Variants in RPTOR observed in about 807,000 individuals in gnomAD.
RPTOR encodes the protein regulatory associated protein of MTOR complex 1.
Under a neutral mutation model 169.9 loss-of-function variants are expected in RPTOR, and 21 were observed. The observed-to-expected ratio is 0.12, with a 90% CI of 0.09 to 0.18. The LOEUF (loss-of-function observed/expected upper bound fraction) is 0.18, where lower values mean the gene tolerates loss of function less well. RPTOR is among the 10% of genes least tolerant of loss of function. The pLI, the probability that RPTOR is intolerant of heterozygous loss-of-function variation, is 1.00. For missense variants in RPTOR, 1,133 were observed against 1,855.9 expected (o/e 0.61, Z 7.16); for synonymous variants, 732 against 753.2 (o/e 0.97, Z 0.46).
At chr17:80,790,221 G>A (rs1465835434) in intron 6 of RPTOR, among the ~76,000 whole-genome samples, 2 of 152,222 alleles carry the variant, frequency 1.3e-5, no homozygotes, top group Non-Finnish European at 2.9e-5. Flanking sequence ...GGGCTGCTCT[G>A]TAGCTTCAGG....
chr17:80,629,405 A>G (rs1263122047), intron 2 of RPTOR, among the ~76,000 whole-genome samples: 1 of 148,896 alleles, frequency 6.7e-6, no homozygotes, highest in Non-Finnish European at 1.5e-5. Flanking sequence ...CTCTCTATGT[A>G]TTGCACTGTT....
chr17:80,593,940 T>G (rs1185311798), intron 1 of RPTOR: 1 of 152,240 alleles, frequency 6.6e-6, no homozygotes, highest in Non-Finnish European at 1.5e-5. Flanking sequence ...TCCGTGATTC[T>G]AAAGAGTGTG....
At chr17:80,752,951 T>A (rs1455331340) in intron 5 of RPTOR, among the ~76,000 whole-genome samples, 1 of 150,606 alleles carries the variant, frequency 6.6e-6, no homozygotes, top group South Asian at 2.1e-4. Flanking sequence ...CACTGTGATA[T>A]CAGCTTCACA....
intron 24 of RPTOR, among the ~76,000 whole-genome samples, chr17:80,929,935 G>A (rs1344060467): frequency 6.6e-6 from 1 of 152,062 alleles, no homozygotes; most frequent in African/African-American, 2.4e-5. Flanking sequence ...ATATAAACCT[G>A]CAGCAGGCAG....
chr17:80,631,957 C>T (rs118099953), intron 2 of RPTOR, among the ~76,000 whole-genome samples: 4,515 of 152,278 alleles, frequency 0.03, 80 homozygotes, highest in Non-Finnish European at 0.039. Flanking sequence ...CCAAATTCTT[C>T]TCATCTAAAT....
Position 80,772,444 on chromosome 17 carries a change from C to T in RPTOR, c.830+18259C>T, listed in dbSNP as rs1357020906. On this transcript the variant is annotated intron_variant, in intron 6 of 33. Transcript: ENST00000306801. ...CTGGTTCCCCCTGTCTCTCCCCCCACATGCCTGGACCCCCTTCCTCTCCCT... is the reference window on the plus strand; with the variant it reads ...CTGGTTCCCCCTGTCTCTCCCCCCATATGCCTGGACCCCCTTCCTCTCCCT... 2.4e-5 allele frequency among the ~76,000 whole-genome samples: 3 copies of T among 126,092 alleles called. No individual in the cohort carries two copies. In the East Asian group the frequency reaches 8.7e-4, roughly 36 times the overall value. 82.7% of individuals were successfully genotyped at this position (126,092 alleles called of 152,430 possible). A position where few individuals can be genotyped will look rare whatever the true frequency, so the allele number is the denominator to read the frequency against.
At chr17:80,772,511 T>G in intron 6 of RPTOR, among the ~76,000 whole-genome samples, 1 of 125,318 alleles carries the variant, frequency 8.0e-6, no homozygotes, top group South Asian at 3.1e-4. Context: ...ACATGCCCTG[T>G]TCCCCTTCCC....
At chr17:80,665,406 TC>T (rs2065761069) in intron 3 of RPTOR, among the ~76,000 whole-genome samples, 2 of 8,710 alleles carry the variant, frequency 2.3e-4, no homozygotes, top group African/African-American at 2.8e-3. Context: ...TCCTTTCCTT[TC>T]CTTTCCTTTC....
chr17:80,677,530 C>T lies in RPTOR; in HGVS notation c.349-30311C>T, dbSNP rs561053275. Among the ~76,000 whole-genome samples the T allele has an allele frequency of 1.4e-3, 214 of 152,106 alleles. 2 individuals carry two copies. The Middle Eastern group carries it at 0.024, about 17-fold the overall frequency. ...GCCTCACCTCCCACCTTCCCTCCCA[C>T]CAGACTCCAGCCTCACCTCCCACCA... On this transcript the variant is annotated intron_variant, in intron 3 of 33. Coordinates refer to ENST00000306801, the MANE Select transcript of RPTOR (RefSeq NM_020761.3).
intron 3 of RPTOR, among the ~76,000 whole-genome samples, chr17:80,664,394 C>G (rs531673859): frequency 6.6e-6 from 1 of 152,120 alleles, no homozygotes; most frequent in East Asian, 1.9e-4. Flanking sequence ...CTAGGGTGTT[C>G]CCCCTCCCAC....
At chr17:80,881,393 C>T (rs553570546) in intron 14 of RPTOR, among the ~76,000 whole-genome samples, 1 of 152,366 alleles carries the variant, frequency 6.6e-6, no homozygotes, top group South Asian at 2.1e-4. Flanking sequence ...AGGAAGAAAG[C>T]AAATCCCACA....
At chr17:80,608,210 C>T (rs567671166) in intron 1 of RPTOR, among the ~76,000 whole-genome samples, 5 of 152,366 alleles carry the variant, frequency 3.3e-5, no homozygotes, top group South Asian at 2.1e-4. Context: ...ACAGTGACAG[C>T]GACTTTTCTT....
Position 80,962,472 on chromosome 17 carries a change from A to G in RPTOR, c.3704A>G (p.Asp1235Gly). Reference sequence around the variant, plus strand: ...CCCTCTCTTGGCAGCGTCAATGGAGATGTGCGCATCTTTGATCCCCGGATG... The same window carrying G: ...CCCTCTCTTGGCAGCGTCAATGGAGGTGTGCGCATCTTTGATCCCCGGATG... The part of the protein sequence containing the change: ...GHIVSVSVNG[D>G]VRIFDPRMPE... The change falls in exon 32 of 34, where the codon GAT becomes GGT. Residue 1235 changes from aspartate (D) to glycine (G), a missense_variant. Physicochemically the swap from Asp to Gly is moderately conservative, Grantham distance 94. Transcript: ENST00000306801. 6.2e-7 allele frequency: 1 copy of G among 1,613,650 alleles called. No individual in the cohort carries two copies. The highest frequency in any genetic ancestry group is 8.5e-7 in the Non-Finnish European group (1 of 1,179,806).
At chr17:80,600,249 G>A (rs1202732726) in intron 1 of RPTOR, among the ~76,000 whole-genome samples, 1 of 152,096 alleles carries the variant, frequency 6.6e-6, no homozygotes, top group Non-Finnish European at 1.5e-5. Context: ...TTGTCTAATG[G>A]AGGAGATTAT....
chr17:80,751,322 A>C (rs1379819284), intron 5 of RPTOR, among the ~76,000 whole-genome samples: 2 of 152,316 alleles, frequency 1.3e-5, no homozygotes, highest in East Asian at 3.9e-4. Flanking sequence ...AATCAGGGGC[A>C]GTGCCCGGCA....
chr17:80,581,079 G>A (rs1762040028), intron 1 of RPTOR, among the ~76,000 whole-genome samples: 1 of 152,138 alleles, frequency 6.6e-6, no homozygotes, highest in South Asian at 2.1e-4. Flanking sequence ...TCAGTGTGTT[G>A]GATACAGATT....
intron 23 of RPTOR, among the ~76,000 whole-genome samples, chr17:80,924,781 C>T (rs2068791530): frequency 6.6e-6 from 1 of 152,222 alleles, no homozygotes; most frequent in Non-Finnish European, 1.5e-5. Flanking sequence ...ACAGGAGACC[C>T]CTGGTGCCCA....
At chr17:80,768,400 A>G (rs1166812265) in intron 6 of RPTOR, among the ~76,000 whole-genome samples, 1 of 152,214 alleles carries the variant, frequency 6.6e-6, no homozygotes, top group Non-Finnish European at 1.5e-5. Flanking sequence ...AAGGGTAGCA[A>G]GTATACACAG....
At chr17:80,930,429 C>CCTCAGCTCATT (rs1567993853) in intron 24 of RPTOR, among the ~76,000 whole-genome samples, 7 of 2,138 alleles carry the variant, frequency 3.3e-3, no homozygotes, top group Admixed American at 5.7e-3. Flanking sequence ...CTCAGCTCAT[C>CCTCAGCTCATT]CTCATCCCCA....
Sources: gnomAD v4.1 joint callset for allele counts (sites outside exome capture counted in the v4.1 genomes callset) on GRCh38, gnomAD v4.1.1 for gene constraint, MANE v1.5 for transcripts, NCBI Gene and HGNC (gene_info 2026-07-23, HGNC 2026-07-21) for gene names.